Variants in TMIGD3 observed in about 807,000 individuals in gnomAD.
The protein encoded by TMIGD3 is transmembrane and immunoglobulin domain containing 3, also known as AD026 protein (AD026).
Under a neutral mutation model 28.1 loss-of-function variants are expected in TMIGD3, and 21 were observed. That is an observed-to-expected ratio of 0.75 (90% CI 0.53 to 1.08). TMIGD3 has a LOEUF of 1.08. Among genes scored for constraint, TMIGD3 ranks in the 50% least tolerant of loss-of-function variants. The pLI is 0.00. For synonymous variants in TMIGD3, 151 were observed against 162.1 expected (o/e 0.93, Z 0.52); for missense variants, 416 against 435.6 (o/e 0.96, Z 0.40).
At chr1:111,490,312 T>C in intron 2 of TMIGD3, 1 of 216,320 alleles carries the variant, frequency 4.6e-6, no homozygotes, top group East Asian at 1.1e-4. Flanking sequence ...GTGGAGATGC[T>C]GGGGAAAAAT....
At chr1:111,495,297 G>A (rs1654841706) in intron 1 of TMIGD3, among the ~76,000 whole-genome samples, 1 of 152,160 alleles carries the variant, frequency 6.6e-6, no homozygotes, top group African/African-American at 2.4e-5. Flanking sequence ...CCATTAAAAG[G>A]TAGACAAAGG....
intron 1 of TMIGD3, among the ~76,000 whole-genome samples, chr1:111,541,805 A>G (rs769498054): frequency 3.3e-5 from 5 of 152,122 alleles, no homozygotes; most frequent in Non-Finnish European, 7.4e-5. Flanking sequence ...GAAGTTGAAG[A>G]CCCCAGAAGA....
At chr1:111,527,259 G>C (rs1010581902) in intron 1 of TMIGD3, among the ~76,000 whole-genome samples, 1 of 152,090 alleles carries the variant, frequency 6.6e-6, no homozygotes, top group Non-Finnish European at 1.5e-5. Flanking sequence ...TGATCTGCCT[G>C]CCTTGGCCTC....
intron 3 of TMIGD3, 71 bp downstream of exon 3, chr1:111,488,606 G>A (rs1654498830): frequency 1.4e-6 from 2 of 1,408,542 alleles, no homozygotes; most frequent in East Asian, 4.6e-5. Flanking sequence ...TGGCTTCAGA[G>A]AGTGCTCTCT....
intron 3 of TMIGD3, among the ~76,000 whole-genome samples, chr1:111,488,413 T>C (rs1343968682): frequency 6.6e-6 from 1 of 152,190 alleles, no homozygotes; most frequent in African/African-American, 2.4e-5. Context: ...TCTTCTAAGG[T>C]CCTTAAACCA....
At chr1:111,516,267 C>A (rs981177449) in intron 1 of TMIGD3, among the ~76,000 whole-genome samples, 1 of 152,174 alleles carries the variant, frequency 6.6e-6, no homozygotes, top group Admixed American at 6.5e-5. Flanking sequence ...TCACGAAGAT[C>A]AACTTAAAAA....
intron 1 of TMIGD3, among the ~76,000 whole-genome samples, chr1:111,517,563 C>G (rs1166026740): frequency 6.6e-6 from 1 of 152,300 alleles, no homozygotes; most frequent in South Asian, 2.1e-4. Flanking sequence ...CAGAATCATA[C>G]TAGGATTCAA....
At position 111,503,182 on chromosome 1, in the gene TMIGD3, T is replaced by C; in HGVS notation, c.173A>G (p.Asp58Gly). ...CATGACCAGCACCCCAACAGCAATG[T>C]CAGCCAGGGCTAGAGAGACAATGAA... ...FYFIVSLALA[D>G]IAVGVLVMPL... Residue 58 changes from aspartate to glycine, a missense_variant, in exon 1 of 6, where the codon GAC (aspartate) becomes GGC (glycine). Asp to Gly is a moderately conservative substitution (Grantham distance 94, BLOSUM62 -1). Transcript: ENST00000369716. The C allele has an allele frequency of 9.9e-6, 16 of 1,614,234 alleles. No individual in the cohort carries two copies. Among genetic ancestry groups the C allele is most frequent in the Non-Finnish European group, 1.4e-5 (16 of 1,180,036 alleles).
chr1:111,490,949 G>A (rs1313877613), intron 1 of TMIGD3, among the ~76,000 whole-genome samples, 187 bp from the exon 2 acceptor site: 1 of 152,160 alleles, frequency 6.6e-6, no homozygotes, highest in African/African-American at 2.4e-5. Context: ...GAAAATTCTG[G>A]GCAGTAGAGA....
intron 1 of TMIGD3, among the ~76,000 whole-genome samples, chr1:111,552,579 A>G (rs559726839): frequency 6.6e-6 from 1 of 152,228 alleles, no homozygotes; most frequent in African/African-American, 2.4e-5. Flanking sequence ...CTATATCCAG[A>G]AAATCACCAA....
chr1:111,557,499 G>A (rs940622455), intron 1 of TMIGD3, among the ~76,000 whole-genome samples: 8 of 150,780 alleles, frequency 5.3e-5, no homozygotes, highest in African/African-American at 1.7e-4. Context: ...GCAGTGAGCC[G>A]AGATCACACC....
intron 1 of TMIGD3, chr1:111,500,671 C>T: frequency 9.9e-7 from 1 of 1,006,082 alleles, no homozygotes; most frequent in Non-Finnish European, 1.5e-6. Flanking sequence ...TCTCTTAATT[C>T]TCCAATCTTC....
intron 1 of TMIGD3, among the ~76,000 whole-genome samples, chr1:111,551,161 T>A (rs902909789): frequency 1.3e-5 from 2 of 152,216 alleles, no homozygotes; most frequent in Admixed American, 6.5e-5. Context: ...AAACAGCATA[T>A]AGTTGGATCA....
chr1:111,492,320 C>A (rs113736656), intron 1 of TMIGD3, among the ~76,000 whole-genome samples: 1 of 152,122 alleles, frequency 6.6e-6, no homozygotes, highest in Non-Finnish European at 1.5e-5. Context: ...CTCTAAGTTT[C>A]GGGTGTAATT....
chr1:111,528,511 G>A (rs10159451), intron 1 of TMIGD3, among the ~76,000 whole-genome samples: 42,107 of 151,758 alleles, frequency 0.28, 6,595 homozygotes, highest in Admixed American at 0.44. Flanking sequence ...TTGTCTCTCC[G>A]TATAAATTTT....
chr1:111,500,081 T>C (rs1423935075), intron 1 of TMIGD3: 1 of 1,614,238 alleles, frequency 6.2e-7, no homozygotes, highest in East Asian at 2.2e-5. Flanking sequence ...GGGTTCATCA[T>C]GGAGTTGGCA....
intron 1 of TMIGD3, among the ~76,000 whole-genome samples, chr1:111,535,097 A>T (rs555099776): frequency 2.0e-5 from 3 of 152,222 alleles, no homozygotes; most frequent in Admixed American, 1.3e-4. Flanking sequence ...CCCATTTTTA[A>T]GGTGATCAAG....
intron 1 of TMIGD3, among the ~76,000 whole-genome samples, chr1:111,527,782 G>C (rs1656319902): frequency 6.6e-6 from 1 of 152,040 alleles, no homozygotes; most frequent in African/African-American, 2.4e-5. Flanking sequence ...ATGCTTATTT[G>C]CCATCCTTAT....
chr1:111,540,120 T>A (rs944189414), intron 1 of TMIGD3, among the ~76,000 whole-genome samples: 2 of 152,220 alleles, frequency 1.3e-5, no homozygotes, highest in African/African-American at 4.8e-5. Flanking sequence ...ATTGGGAATG[T>A]GATTATAGTG....
Sources: allele counts gnomAD v4.1 joint callset (sites outside exome capture counted in the v4.1 genomes callset), GRCh38; gene constraint gnomAD v4.1.1; transcripts MANE v1.5; gene names NCBI Gene and HGNC (gene_info 2026-07-23, HGNC 2026-07-21).